FSHR: variants seen among roughly 807,000 people sequenced by gnomAD.
FSHR encodes the protein follicle stimulating hormone receptor.
A neutral mutation model predicts 52.1 loss-of-function variants in FSHR; 46 were observed. That is an observed-to-expected ratio of 0.88 (90% CI 0.70 to 1.13). The LOEUF is 1.13. Ranked by LOEUF, FSHR falls within the 50% of genes most tolerant of loss-of-function variation. The pLI, the probability that FSHR is intolerant of heterozygous loss-of-function variation, is 0.00. For missense variants in FSHR, 964 were observed against 834.6 expected (o/e 1.16, Z -1.91); for synonymous variants, 399 against 309.6 (o/e 1.29, Z -3.03).
At chr2:49,064,162 G>A (rs910597804) in intron 2 of FSHR, among the ~76,000 whole-genome samples, 1 of 151,878 alleles carries the variant, frequency 6.6e-6, no homozygotes, top group African/African-American at 2.4e-5. Context: ...ACTCTATGTT[G>A]AAAATGGATG....
chr2:49,004,849 G>A (rs1000843880), intron 4 of FSHR, among the ~76,000 whole-genome samples: 1 of 152,066 alleles, frequency 6.6e-6, no homozygotes, highest in African/African-American at 2.4e-5. Flanking sequence ...AAATTAATGA[G>A]GTAAGGATAC....
intron 2 of FSHR, chr2:49,059,787 TGAGGACTTTGGTTTCG>T (rs902087252): frequency 6.6e-6 from 1 of 152,094 alleles, no homozygotes. Flanking sequence ...AGGAAGTGCT[TGAGGACTTTGGTTTCG>T]GAAAAGATTT....
At chr2:49,130,720 A>G (rs1227641026) in intron 1 of FSHR, among the ~76,000 whole-genome samples, 1 of 152,180 alleles carries the variant, frequency 6.6e-6, no homozygotes, top group Admixed American at 6.6e-5. Flanking sequence ...TCCTCCTTTA[A>G]ACAATCTTTA....
intron 4 of FSHR, among the ~76,000 whole-genome samples, chr2:48,997,024 A>G (rs961839146): frequency 1.3e-5 from 2 of 152,114 alleles, no homozygotes; most frequent in East Asian, 3.9e-4. Context: ...GAATCATTAA[A>G]TAAACATTGC....
chr2:49,123,406 G>C (rs1388834032), intron 1 of FSHR, among the ~76,000 whole-genome samples: 1 of 152,088 alleles, frequency 6.6e-6, no homozygotes, highest in Non-Finnish European at 1.5e-5. Flanking sequence ...AGTATCGCTT[G>C]AGCCCAGGAG....
In FSHR at chr2:49,084,671, C is replaced by T. The variant is rs987579166; in HGVS notation, c.153-16381G>A. ...AAAATGATAAAGGGGATATCATCACCGATCCCACAGAAATACAAACTACCA... is the reference window on the plus strand; with the variant it reads ...AAAATGATAAAGGGGATATCATCACTGATCCCACAGAAATACAAACTACCA... On this transcript the variant is annotated intron_variant, in intron 1 of 9. Coordinates refer to ENST00000406846, the MANE Select transcript of FSHR (RefSeq NM_000145.4). 3.9e-4 allele frequency among the ~76,000 whole-genome samples: 60 copies of T among 152,178 alleles called. 2 individuals carry two copies. The highest frequency in any genetic ancestry group is 1.1e-3 in the African/African-American group (47 of 41,546).
intron 4 of FSHR, among the ~76,000 whole-genome samples, chr2:49,000,935 T>A (rs747445286): frequency 9.2e-5 from 14 of 152,080 alleles, no homozygotes; most frequent in Non-Finnish European, 1.6e-4. Context: ...TGACCCAGAT[T>A]TTTCTTCTAA....
At chr2:49,015,613 G>T (rs918939110) in intron 4 of FSHR, among the ~76,000 whole-genome samples, 2 of 152,102 alleles carry the variant, frequency 1.3e-5, no homozygotes, top group South Asian at 2.1e-4. Context: ...TGCTTTTTCT[G>T]TTGTCACGTA....
chr2:48,981,898 CTGACT>C (rs752744556), intron 8 of FSHR, among the ~76,000 whole-genome samples: 3 of 152,186 alleles, frequency 2.0e-5, no homozygotes, highest in Non-Finnish European at 2.9e-5. Context: ...TTCTAAACGC[CTGACT>C]TGACTTAAGG....
At chr2:49,015,291 C>G (rs925135084) in intron 4 of FSHR, among the ~76,000 whole-genome samples, 2 of 152,072 alleles carry the variant, frequency 1.3e-5, no homozygotes, top group African/African-American at 2.4e-5. Flanking sequence ...CTTTTTGAAC[C>G]CTTGCCAAGC....
At chr2:49,064,254 T>TG (rs372690847) in intron 2 of FSHR, among the ~76,000 whole-genome samples, 61,055 of 151,702 alleles carry the variant, frequency 0.4, 12,751 homozygotes, top group East Asian at 0.54. Flanking sequence ...CTGGTTTAAA[T>TG]ATTTTTTCCT....
At chr2:49,013,637 G>T (rs973138365) in intron 4 of FSHR, among the ~76,000 whole-genome samples, 5 of 150,946 alleles carry the variant, frequency 3.3e-5, no homozygotes, top group Admixed American at 6.6e-5. Context: ...AGCTGGGAAA[G>T]GTCCACCCTG....
chr2:48,984,276 G>A (rs1317358524), intron 6 of FSHR, among the ~76,000 whole-genome samples: 3 of 152,144 alleles, frequency 2.0e-5, no homozygotes, highest in Admixed American at 6.5e-5. Flanking sequence ...CAATCAATTG[G>A]TGGGTTCTGA....
At chr2:49,105,480 CT>C (rs1671189329) in intron 1 of FSHR, among the ~76,000 whole-genome samples, 1 of 151,862 alleles carries the variant, frequency 6.6e-6, no homozygotes, top group Admixed American at 6.6e-5. Context: ...CCCTTTTGTG[CT>C]TAAAAAACAA....
chr2:49,140,233 C>T (rs967318202), intron 1 of FSHR, among the ~76,000 whole-genome samples: 1 of 152,068 alleles, frequency 6.6e-6, no homozygotes, highest in Non-Finnish European at 1.5e-5. Flanking sequence ...GCTTGGTCAT[C>T]CCCTTGGTGA....
At chr2:49,014,405 G>C (rs1421048972) in intron 4 of FSHR, among the ~76,000 whole-genome samples, 1 of 152,132 alleles carries the variant, frequency 6.6e-6, no homozygotes, top group Admixed American at 6.6e-5. Context: ...ACAAAGAGGA[G>C]GATGGACTTA....
At chr2:49,118,843 C>A (rs894156430) in intron 1 of FSHR, among the ~76,000 whole-genome samples, 1 of 152,310 alleles carries the variant, frequency 6.6e-6, no homozygotes, top group Middle Eastern at 3.4e-3. Flanking sequence ...AAATATTCCA[C>A]CCCTTGGTTT....
At chr2:49,067,769 C>G (rs982474714) in intron 2 of FSHR, among the ~76,000 whole-genome samples, 3 of 151,994 alleles carry the variant, frequency 2.0e-5, no homozygotes, top group African/African-American at 7.2e-5. Context: ...CTTTGAAATG[C>G]TTATATATCA....
chr2:49,017,478 T>C lies in FSHR; in HGVS notation c.374+11A>G, dbSNP rs1476396834. On this transcript the variant is annotated intron_variant, in intron 4 of 9. Coordinates refer to ENST00000406846, the MANE Select transcript of FSHR (RefSeq NM_000145.4). ...ATCATAGTGGGGGTACCAAACTACA[T>C]GAGTTCTTACAGATATTGAAGGTTG... 5 of 1,602,060 alleles carry C rather than the reference T, an allele frequency of 3.1e-6. No individual in the cohort carries two copies. The highest frequency in any genetic ancestry group is 1.7e-5 in the Admixed American group (1 of 59,868).
Sources: gnomAD v4.1 joint callset for allele counts (sites outside exome capture counted in the v4.1 genomes callset) on GRCh38, gnomAD v4.1.1 for gene constraint, MANE v1.5 for transcripts, NCBI Gene and HGNC (gene_info 2026-07-23, HGNC 2026-07-21) for gene names.